MUC4: variants seen among roughly 807,000 people sequenced by gnomAD.
MUC4 encodes the protein mucin-4.
In MUC4, 202 loss-of-function variants were observed where a neutral mutation model predicts 257.9. The observed-to-expected ratio is 0.78, with a 90% CI of 0.70 to 0.88. The LOEUF (loss-of-function observed/expected upper bound fraction) is 0.88. Ranked by LOEUF, MUC4 falls within the 40% of genes least tolerant of loss-of-function variation. MUC4 has a pLI of 0.00. For synonymous variants in MUC4, 2,351 were observed against 2,757.1 expected (o/e 0.85, Z 4.62); for missense variants, 5,976 against 6,513.7 (o/e 0.92, Z 2.84).
chr3:195,770,924 TC>T, intron 5 of MUC4: 1 of 454,980 alleles, frequency 2.2e-6, no homozygotes, highest in Non-Finnish European at 4.4e-6. Flanking sequence ...TCAGCCCCCA[TC>T]CCCCGTCACC....
chr3:195,792,075 A>G (rs1444642673), intron 1 of MUC4, among the ~76,000 whole-genome samples: 5 of 152,214 alleles, frequency 3.3e-5, no homozygotes, highest in African/African-American at 1.2e-4. Context: ...ACATAGACAT[A>G]GGCAAAGATT....
chr3:195,799,316 AT>A (rs1210316743), intron 1 of MUC4, among the ~76,000 whole-genome samples: 4 of 149,842 alleles, frequency 2.7e-5, no homozygotes, highest in South Asian at 2.1e-4. Flanking sequence ...GCCTTTAAAC[AT>A]TTTTTTTTCC....
At position 195,782,844 on chromosome 3, in the gene MUC4, AGGCGTGGTGTCACCTGTGGATACT is replaced by A. The variant is rs1728950501; in HGVS notation, c.8712_8735del (p.Val2905_Pro2912del). 6.6e-7 allele frequency: 1 copy of A among 1,510,482 alleles called. No homozygotes were observed. The highest frequency in any genetic ancestry group is 1.4e-5 in the African/African-American group (1 of 69,530). 93.6% of individuals were successfully genotyped at this position (1,510,482 alleles called of 1,614,324 possible). A position where few individuals can be genotyped will look rare whatever the true frequency, so the allele number is the denominator to read the frequency against. On this transcript the variant is annotated inframe_deletion, in exon 2 of 25. Transcript: ENST00000463781. ...CTGAGGAAGTGTCGGTGACAGGAAG[AGGCGTGGTGTCACCTGTGGATACT>A]GAGGAAAGGCTGGTGAGAGGAAGAG...
In MUC4 at chr3:195,747,198, T is replaced by G. The variant is rs1715192940; in HGVS notation, c.16217A>C (p.Asn5406Thr). ...CCTTCAAGGCAAGGCCTCAGCTGAG[T>G]TCAGGAAATAGGAGAACCTGGCCCC... is the stretch of plus-strand genomic sequence containing the variant. Reference protein sequence around the residue: ...CSGARFSYFLNSAEALP With the variant: ...CSGARFSYFLTSAEALP The change falls in exon 25 of 25, where the codon AAC (asparagine) becomes ACC (threonine). Residue 5406 changes from asparagine to threonine, a missense_variant. By Grantham distance (65) the Asn-to-Thr change is moderately conservative (BLOSUM62 0). Around this residue, in one of 44 missense-constraint regions of MUC4, gnomAD observed 310 missense variants for 242.1 expected, o/e 1.28. Transcript: ENST00000463781. 3 of 1,614,068 alleles carry G rather than the reference T, an allele frequency of 1.9e-6. No homozygotes were observed. The highest frequency in any genetic ancestry group is 2.5e-6 in the Non-Finnish European group (3 of 1,180,040).
In MUC4 at chr3:195,746,900, G is replaced by A; in HGVS notation, c.*276C>T. The A allele has an allele frequency of 1.8e-6, 1 of 548,470 alleles. No individual in the cohort carries two copies. The highest frequency in any genetic ancestry group is 2.5e-5 in the South Asian group (1 of 39,802). The allele number at this position is 548,470 out of a possible 1,614,324, so 34.0% of individuals were successfully genotyped here. Reference sequence around the variant, plus strand: ...ATTATGAACTCGTGTGTGTGTGTGTGTGTGTGCACGCGCGCGTGCACAGGC... The same window carrying A: ...ATTATGAACTCGTGTGTGTGTGTGTATGTGTGCACGCGCGCGTGCACAGGC... On this transcript the variant is annotated 3_prime_UTR_variant, in exon 25 of 25. Coordinates refer to ENST00000463781, the MANE Select transcript of MUC4 (RefSeq NM_018406.7).
At chr3:195,792,522 C>T (rs191641482) in intron 1 of MUC4, among the ~76,000 whole-genome samples, 37 of 152,328 alleles carry the variant, frequency 2.4e-4, no homozygotes, top group Non-Finnish European at 4.3e-4. Context: ...AACGCTTTTA[C>T]ACTGTTGGTG....
rs571323739 is a variant in MUC4 at position 195,770,215 on chromosome 3, C to A, written c.13398+1G>T. The A allele has an allele frequency of 1.9e-6, 3 of 1,604,152 alleles. No homozygotes were observed. Among genetic ancestry groups the A allele is most frequent in the East Asian group, 2.2e-5 (1 of 44,628 alleles). ...TGGGAGCTGCCCAGGGGTCTACTCA[C>A]CCCGAGGGTCCACTGGGCAGGATAG... is the stretch of plus-strand genomic sequence containing the variant. On this transcript the variant is annotated splice_donor_variant, in intron 6 of 24. Transcript: ENST00000463781. LOFTEE classifies it high-confidence loss of function.
rs758953964 is a variant in MUC4, at chr3:195,786,293, C to G, written c.5287G>C (p.Val1763Leu). 2 of 1,522,596 alleles carry G rather than the reference C, an allele frequency of 1.3e-6. No individual in the cohort carries two copies. The highest frequency in any genetic ancestry group is 1.2e-5 in the South Asian group (1 of 82,370). The allele number at this position is 1,522,596 out of a possible 1,614,324, so 94.3% of individuals were successfully genotyped here. ...ASTGQATPLP[V>L]TDTSSVSTAH... Reference sequence around the variant, plus strand: ...GTGGATACTGAGGAAGTGTCGGTGACAGGAAGAGGGGTGGCCTGACCTGTG... The same window carrying G: ...GTGGATACTGAGGAAGTGTCGGTGAGAGGAAGAGGGGTGGCCTGACCTGTG... The change falls in exon 2 of 25, where the codon GTC becomes CTC. Residue 1763 changes from valine to leucine, a missense_variant. This residue lies in a region of MUC4 where 138 missense variants were observed against 107.8 expected (regional missense o/e 1.28). Coordinates refer to ENST00000463781, the MANE Select transcript of MUC4 (RefSeq NM_018406.7).
Position 195,753,033 on chromosome 3 carries a change from C to T in MUC4, c.15508+18G>A, listed in dbSNP as rs200443997. 2,231 of 1,595,888 alleles carry T rather than the reference C, an allele frequency of 1.4e-3. 42 individuals carry two copies. In the South Asian group the frequency reaches 0.02, roughly 14 times the overall value. On this transcript the variant is annotated intron_variant, in intron 20 of 24. Transcript: ENST00000463781. ...CAGGAAGAGTGCGGGGGTGAGAGGG[C>T]GGGGTCTCTGGCGGTACCTAGGTTG... is the stretch of plus-strand genomic sequence containing the variant.
chr3:195,810,816 G>A lies in MUC4; in HGVS notation c.82+920C>T, dbSNP rs983183075. Among the ~76,000 whole-genome samples, 3 of 152,020 alleles carry A rather than the reference G, an allele frequency of 2.0e-5. No homozygotes were observed. Among genetic ancestry groups the A allele is most frequent in the African/African-American group, 7.3e-5 (3 of 41,358 alleles). The stretch of plus-strand genomic sequence containing the variant: ...CTCACCTGTCTCGTCCTCTCACCCT[G>A]CAGCTTTACATGAGTTTTCTTCCGT... On this transcript the variant is annotated intron_variant, in intron 1 of 24. Coordinates refer to ENST00000463781, the MANE Select transcript of MUC4 (RefSeq NM_018406.7). This position sits in a 1 kb window ranked among gnomAD's most constrained non-coding sequence, Gnocchi z 4.2.
At chr3:195,802,371 G>C (rs1735437605) in intron 1 of MUC4, among the ~76,000 whole-genome samples, 1 of 39,308 alleles carries the variant, frequency 2.5e-5, no homozygotes, top group African/African-American at 7.2e-5. Context: ...TGCCCCTGCT[G>C]ACTCGGGTTC....
chr3:195,771,621 G>A (rs758126033), intron 5 of MUC4, 31 bp downstream of exon 5: 17 of 1,602,556 alleles, frequency 1.1e-5, no homozygotes, highest in African/African-American at 1.3e-5. Context: ...GCTGCTGGGG[G>A]ATCCTGACTG....
intron 15 of MUC4, 40 bp downstream of exon 15, chr3:195,761,444 C>G: frequency 6.5e-7 from 1 of 1,529,632 alleles, no homozygotes; most frequent in East Asian, 2.2e-5. Flanking sequence ...ACCGGCTCCC[C>G]TCACCTGCCC....
In MUC4 at chr3:195,787,856, A is replaced by T; in HGVS notation, c.3724T>A (p.Ser1242Thr). The change falls in exon 2 of 25, where the codon TCC becomes ACC. Residue 1242 changes from serine to threonine, a missense_variant. Transcript: ENST00000463781. ...GGAAGAGGGGTGGTGTGACCTGTGG[A>T]TGCTGCGGAAGGGATGGTTACAGGA... ...SLPVTIPSAA[S>T]TGHTTPLPVT... 1 of 525,326 alleles carries T rather than the reference A, an allele frequency of 1.9e-6. No individual in the cohort carries two copies. 32.5% of individuals were successfully genotyped at this position (525,326 alleles called of 1,614,324 possible).
chr3:195,759,692 G>A (rs908411091), intron 16 of MUC4, among the ~76,000 whole-genome samples: 3 of 152,172 alleles, frequency 2.0e-5, no homozygotes, highest in Admixed American at 6.5e-5. Context: ...GGCCGAGGCC[G>A]GTGGATAACC....
At position 195,779,898 on chromosome 3, in the gene MUC4, A is replaced by AAGGCTG. The variant is rs1726529898; in HGVS notation, c.11681_11682insCAGCCT (p.Ser3895_Ser3896insLeuSer). The AAGGCTG allele has an allele frequency of 7.3e-7, 1 of 1,377,518 alleles. No homozygotes were observed. The highest frequency in any genetic ancestry group is 2.1e-5 in the African/African-American group (1 of 47,118). 85.3% of individuals were successfully genotyped at this position (1,377,518 alleles called of 1,614,324 possible). ...TGGCGTGACGTGTGGATGCTGAGGAAGTGTCGGTGACAGGAAGAGGGGTGG... is the reference window on the plus strand; with the variant it reads ...TGGCGTGACGTGTGGATGCTGAGGAAAGGCTGGTGTCGGTGACAGGAAGAGGGGTGG... On this transcript the variant is annotated inframe_insertion, in exon 2 of 25. Coordinates refer to ENST00000463781, the MANE Select transcript of MUC4 (RefSeq NM_018406.7).
In MUC4 at chr3:195,748,976, G is replaced by A. The variant is rs367672017; in HGVS notation, c.15960C>T (p.Cys5320=). ...LVYSPQSGFT[C]VSPCSRGYCD... ...AGTAGCCCCTACTGCACGGGGACAC[G>A]CAGGTGAAGCCGCTCTGGGGGCTGT... Residue 5320 remains cysteine (C), a synonymous_variant, in exon 24 of 25, where the codon TGC becomes TGT. Transcript: ENST00000463781. The A allele has an allele frequency of 5.6e-6, 9 of 1,609,356 alleles. No individual in the cohort carries two copies. The African/African-American group carries it at 6.7e-5, about 12-fold the overall frequency.
At chr3:195,775,985 C>G (rs1398612059) in intron 3 of MUC4, among the ~76,000 whole-genome samples, 1 of 47,894 alleles carries the variant, frequency 2.1e-5, no homozygotes, top group Admixed American at 1.6e-4. Flanking sequence ...CACATCCATA[C>G]CTTCCACAGT....
intron 21 of MUC4, chr3:195,752,172 C>A: frequency 1.7e-6 from 1 of 595,392 alleles, no homozygotes; most frequent in South Asian, 2.1e-5. Flanking sequence ...CTGGCCTCTG[C>A]TTATGATGAG....
Sources: allele counts gnomAD v4.1 joint callset (sites outside exome capture counted in the v4.1 genomes callset), GRCh38; gene constraint gnomAD v4.1.1; regional missense constraint gnomAD v4.1.1; non-coding constraint Gnocchi (gnomAD v3.1); transcripts MANE v1.5; gene names NCBI Gene and HGNC (gene_info 2026-07-23, HGNC 2026-07-21).